PREX1: variants seen among roughly 807,000 people sequenced by gnomAD.
The protein encoded by PREX1 is phosphatidylinositol 3,4,5-trisphosphate-dependent Rac exchanger 1 protein.
In PREX1, 41 loss-of-function variants were observed where a neutral mutation model predicts 198.3. That is an observed-to-expected ratio of 0.21 (90% CI 0.16 to 0.27). PREX1 has a LOEUF of 0.27. Among genes scored for constraint, PREX1 ranks in the 10% least tolerant of loss-of-function variants. The probability of loss-of-function intolerance (pLI) is 1.00; values close to 1 mark genes in which losing one functional copy is unlikely to be tolerated. For missense variants in PREX1, 1,620 were observed against 2,200.7 expected, an observed-to-expected ratio of 0.74 and a Z score of 5.28; for synonymous variants, 843 against 887.2, an observed-to-expected ratio of 0.95 and a Z score of 0.89.
chr20:48,723,524 G>A (rs2089995453), intron 5 of PREX1, among the ~76,000 whole-genome samples: 1 of 152,160 alleles, frequency 6.6e-6, no homozygotes, highest in South Asian at 2.1e-4. Context: ...GGCCCTGCTT[G>A]TTCTCTCCCA....
At chr20:48,857,383 AAT>A in the PREX1 span, among the ~76,000 whole-genome samples, 2 of 152,230 alleles carry the variant, frequency 1.3e-5, no homozygotes, top group Non-Finnish European at 2.9e-5. Flanking sequence ...CTATGGATGA[AAT>A]AAACCAGAGG....
At chr20:48,664,253 C>T (rs138238138) in intron 15 of PREX1, among the ~76,000 whole-genome samples, 1,881 of 151,874 alleles carry the variant, frequency 0.012, 40 homozygotes, top group African/African-American at 0.043. Context: ...CGGGTGCCTG[C>T]GGTCCCAGCT....
intron 5 of PREX1, among the ~76,000 whole-genome samples, chr20:48,716,932 G>A (rs893598712): frequency 2.0e-5 from 3 of 152,168 alleles, no homozygotes; most frequent in Admixed American, 1.3e-4. Context: ...ATGGACAGAC[G>A]GAGTCAGGAT....
At chr20:48,651,870 A>T (rs1313088275) in intron 21 of PREX1, among the ~76,000 whole-genome samples, 1 of 152,092 alleles carries the variant, frequency 6.6e-6, no homozygotes, top group Admixed American at 6.5e-5. Context: ...CTTGGAGGAG[A>T]GGAAGTCAGA....
intron 3 of PREX1, among the ~76,000 whole-genome samples, chr20:48,741,689 T>C (rs535583339): frequency 4.0e-5 from 6 of 151,192 alleles, no homozygotes; most frequent in African/African-American, 1.2e-4. Flanking sequence ...AATGACAGAG[T>C]AGGGGAGGGG....
chr20:48,794,821 A>G (rs988469679), intron 1 of PREX1, among the ~76,000 whole-genome samples: 1 of 152,208 alleles, frequency 6.6e-6, no homozygotes. Flanking sequence ...CTTGCTGGGT[A>G]CCAGACAGCA....
the PREX1 span, among the ~76,000 whole-genome samples, chr20:48,882,189 A>G: frequency 6.6e-6 from 1 of 152,114 alleles, no homozygotes; most frequent in African/African-American, 2.4e-5. Context: ...GGTTTGGGGT[A>G]TTATGAATTA....
rs902904316 is a variant in PREX1 at position 48,656,082 on chromosome 20, G to A, written c.2124-707C>T. Among the ~76,000 whole-genome samples, 7 of 152,056 alleles carry A rather than the reference G, an allele frequency of 4.6e-5. No homozygotes were observed. The South Asian group carries it at 1.2e-3, about 27-fold the overall frequency. On this transcript the variant is annotated intron_variant, in intron 18 of 39. Transcript: ENST00000371941. Reference sequence around the variant, plus strand: ...TGCCACTTCCACATACCAACCCATCGATCAACCACATTTTCCCTAAGTCAG... The same window carrying A: ...TGCCACTTCCACATACCAACCCATCAATCAACCACATTTTCCCTAAGTCAG...
At chr20:48,633,993 G>A (rs2089336904) in intron 33 of PREX1, among the ~76,000 whole-genome samples, 1 of 151,626 alleles carries the variant, frequency 6.6e-6, no homozygotes, top group Non-Finnish European at 1.5e-5. Context: ...ATGGTTGGAT[G>A]GATGGATGGA....
chr20:48,867,440 A>T, the PREX1 span, among the ~76,000 whole-genome samples: 5 of 152,238 alleles, frequency 3.3e-5, no homozygotes, highest in Admixed American at 3.3e-4. Flanking sequence ...CAGATCAGCT[A>T]TTCCCTCTCC....
At chr20:48,689,878 G>A (rs573999450) in intron 9 of PREX1, among the ~76,000 whole-genome samples, 2 of 152,366 alleles carry the variant, frequency 1.3e-5, no homozygotes, top group South Asian at 2.1e-4. Flanking sequence ...GAGAGAGGAT[G>A]GTGGCTTGTC....
At chr20:48,776,514 C>T (rs775181301) in intron 1 of PREX1, among the ~76,000 whole-genome samples, 2 of 152,284 alleles carry the variant, frequency 1.3e-5, no homozygotes, top group Middle Eastern at 3.4e-3. Flanking sequence ...GGGGAGTCCA[C>T]GGGGCGGGGC....
Position 48,652,679 on chromosome 20 carries a change from G to A in PREX1, c.2374C>T (p.His792Tyr). ...LGLYQWIYHT[H>Y]EDAQEARASQ... Reference sequence around the variant, plus strand: ...GCTCGTGCTTCCTGGGCATCCTCATGGGTGTGGTAGATCCACTGGTACAGG... The same window carrying A: ...GCTCGTGCTTCCTGGGCATCCTCATAGGTGTGGTAGATCCACTGGTACAGG... Residue 792 changes from histidine to tyrosine, a missense_variant, in exon 21 of 40, where the codon CAT (histidine) becomes TAT (tyrosine). Physicochemically the swap from His to Tyr is moderately conservative, Grantham distance 83. Around this residue, in one of 7 missense-constraint regions of PREX1, gnomAD observed 514 missense variants for 611.6 expected, o/e 0.84. Coordinates refer to ENST00000371941, the MANE Select transcript of PREX1 (RefSeq NM_020820.4). The A allele has an allele frequency of 6.2e-7, 1 of 1,613,342 alleles. No individual in the cohort carries two copies. Among genetic ancestry groups the A allele is most frequent in the Non-Finnish European group, 8.5e-7 (1 of 1,179,598 alleles).
At chr20:48,766,516 C>T (rs1226334869) in intron 1 of PREX1, among the ~76,000 whole-genome samples, 2 of 152,224 alleles carry the variant, frequency 1.3e-5, no homozygotes, top group Non-Finnish European at 2.9e-5. Flanking sequence ...CCCAAACACA[C>T]CCAGCTTGCT....
chr20:48,664,083 AAG>A (rs2089616716), intron 15 of PREX1, among the ~76,000 whole-genome samples: 1 of 152,202 alleles, frequency 6.6e-6, no homozygotes. Flanking sequence ...CCTTAAAAAA[AAG>A]AGAATCTGGT....
chr20:48,676,676 T>C (rs1324519901), intron 13 of PREX1, among the ~76,000 whole-genome samples: 2 of 152,016 alleles, frequency 1.3e-5, no homozygotes, highest in African/African-American at 4.8e-5. Flanking sequence ...CTGAAGATCC[T>C]ACAATGCCAG....
chr20:48,694,470 G>A (rs2089835452), intron 7 of PREX1, among the ~76,000 whole-genome samples: 1 of 152,220 alleles, frequency 6.6e-6, no homozygotes, highest in Non-Finnish European at 1.5e-5. Flanking sequence ...ACATGGGGTT[G>A]GAGGCAGGGC....
Position 48,738,026 on chromosome 20 carries a change from A to G in PREX1, c.415-3376T>C, listed in dbSNP as rs139976045. On this transcript the variant is annotated intron_variant, in intron 3 of 39. Transcript: ENST00000371941. ...GCAAAGACAGTTTTGATACATGCAC[A>G]CTCTTAAAGGCAGAAAATGAAAGAC... 1.4e-3 allele frequency among the ~76,000 whole-genome samples: 220 copies of G among 152,242 alleles called. 1 individual carries two copies. Among genetic ancestry groups the G allele is most frequent in the African/African-American group, 5.2e-3 (216 of 41,544 alleles).
chr20:48,869,659 C>T, the PREX1 span, among the ~76,000 whole-genome samples: 1 of 152,220 alleles, frequency 6.6e-6, no homozygotes, highest in African/African-American at 2.4e-5. Context: ...GAATACTATG[C>T]AGCCATAAAA....
Sources: gnomAD v4.1 joint callset for allele counts (sites outside exome capture counted in the v4.1 genomes callset) on GRCh38, gnomAD v4.1.1 for gene constraint, gnomAD v4.1.1 regional missense constraint, MANE v1.5 for transcripts, NCBI Gene and HGNC (gene_info 2026-07-23, HGNC 2026-07-21) for gene names.